Variants in ATM observed in about 807,000 individuals in gnomAD.
The protein encoded by ATM is serine-protein kinase ATM.
In ATM, 308 loss-of-function variants were observed where a neutral mutation model predicts 387.0. The ratio of observed to expected loss-of-function variants is 0.80; its 90% confidence interval spans 0.73 to 0.87. The LOEUF is 0.87. ATM is among the 40% of genes least tolerant of loss of function. The pLI is 0.00. For missense variants in ATM, 3,312 were observed against 3,560.9 expected (o/e 0.93, Z 1.78); for synonymous variants, 1,156 against 1,187.3 (o/e 0.97, Z 0.54).
At chr11:108,271,554 C>A in intron 20 of ATM, 148 bp downstream of exon 20, 1 of 1,063,756 alleles carries the variant, frequency 9.4e-7, no homozygotes, top group Non-Finnish European at 1.4e-6. Flanking sequence ...TTGTGTTTCC[C>A]TCAGTCGCTT....
In ATM at chr11:108,354,866, A is replaced by G. The variant is rs1333760745; in HGVS notation, c.8842A>G (p.Ile2948Val). ...MRNSQETLLT[I>V]VEVLLYDPLF... ...AAACTCTCAGGAAACTCTGTTAACCATTGTAGAGGTAAAGTATTTTATAAG... is the reference window on the plus strand; with the variant it reads ...AAACTCTCAGGAAACTCTGTTAACCGTTGTAGAGGTAAAGTATTTTATAAG... Residue 2948 changes from isoleucine to valine, a missense_variant, in exon 61 of 63, where the codon ATT becomes GTT. Around this residue, in one of 4 missense-constraint regions of ATM, gnomAD observed 21 missense variants for 51.6 expected, o/e 0.41. Coordinates refer to ENST00000675843, the MANE Select transcript of ATM (RefSeq NM_000051.4). 6.2e-7 allele frequency: 1 copy of G among 1,612,552 alleles called. No homozygotes were observed. Among genetic ancestry groups the G allele is most frequent in the East Asian group, 2.2e-5 (1 of 44,858 alleles).
chr11:108,365,417 G>T lies in ATM; in HGVS notation c.9080G>T (p.Ser3027Ile), dbSNP rs1565609342. The change falls in exon 63 of 63, where the codon AGT becomes ATT. Residue 3027 changes from serine (S) to isoleucine (I), a missense_variant. Physicochemically the swap from Ser to Ile is moderately radical, Grantham distance 142 (BLOSUM62 -2). Around this residue, in one of 4 missense-constraint regions of ATM, gnomAD observed 95 missense variants for 100.3 expected, o/e 0.95. Coordinates refer to ENST00000675843, the MANE Select transcript of ATM (RefSeq NM_000051.4). ...GGAGTGGAAGAAGGCACTGTGCTCA[G>T]TGTTGGTGGACAAGTGAATTTGCTC... Reference protein sequence around the residue: ...LKGVEEGTVLSVGGQVNLLIQ... With the variant: ...LKGVEEGTVLIVGGQVNLLIQ... 1 of 1,614,214 alleles carries T rather than the reference G, an allele frequency of 6.2e-7. No homozygotes were observed. Among genetic ancestry groups the T allele is most frequent in the Non-Finnish European group, 8.5e-7 (1 of 1,180,032 alleles).
chr11:108,348,438 A>G (rs2088756011), intron 59 of ATM, among the ~76,000 whole-genome samples: 1 of 151,134 alleles, frequency 6.6e-6, no homozygotes, highest in East Asian at 2.0e-4. Context: ...TATAAGAAAG[A>G]AAGAATATAT....
rs760942541 is a variant in ATM, at chr11:108,304,695, G to T, written c.5517G>T (p.Gln1839His). 1 of 1,613,912 alleles carries T rather than the reference G, an allele frequency of 6.2e-7. No homozygotes were observed. The highest frequency in any genetic ancestry group is 1.1e-5 in the South Asian group (1 of 91,062). The change falls in exon 37 of 63, where the codon CAG becomes CAT. Residue 1839 changes from glutamine to histidine, a missense_variant. By Grantham distance (24) the Gln-to-His change is conservative. Coordinates refer to ENST00000675843, the MANE Select transcript of ATM (RefSeq NM_000051.4). ...TCTAGGTGAAAACTGACTTTTGTCA[G>T]ACTGTACTTCCATACTTGATTCATG... ...PMCEVKTDFC[Q>H]TVLPYLIHDI...
intron 16 of ATM, among the ~76,000 whole-genome samples, chr11:108,265,983 A>T (rs1398876419): frequency 6.6e-6 from 1 of 151,574 alleles, no homozygotes; most frequent in Non-Finnish European, 1.5e-5. Flanking sequence ...GTCAGGAAAC[A>T]ACAGGTGCTG....
At chr11:108,350,142 T>G (rs983307849) in intron 59 of ATM, among the ~76,000 whole-genome samples, 2 of 152,004 alleles carry the variant, frequency 1.3e-5, no homozygotes, top group Non-Finnish European at 2.9e-5. Context: ...TGCCAAGCAG[T>G]TTAAGGGGCA....
At chr11:108,347,386 ATC>A (rs757454625) in intron 59 of ATM, 21 bp downstream of exon 59, 1 of 1,528,364 alleles carries the variant, frequency 6.5e-7, no homozygotes, top group South Asian at 1.1e-5. Context: ...AAATCTATGT[ATC>A]TATTCTTTTT....
intron 1 of ATM, 171 bp downstream of exon 1, chr11:108,223,357 C>G (rs960294819): frequency 6.5e-6 from 1 of 152,780 alleles, no homozygotes; most frequent in African/African-American, 2.4e-5. Context: ...GCTTAGCGGA[C>G]TTGGCCAATA....
intron 43 of ATM, 50 bp from the exon 44 acceptor site, chr11:108,319,904 T>C (rs1329940541): frequency 7.6e-7 from 1 of 1,322,430 alleles, no homozygotes; most frequent in African/African-American, 1.4e-5. Flanking sequence ...TACATGTATA[T>C]CTTAGGGTTC....
At chr11:108,288,403 C>T (rs910025931) in intron 27 of ATM, among the ~76,000 whole-genome samples, 49 of 151,772 alleles carry the variant, frequency 3.2e-4, no homozygotes, top group African/African-American at 1.2e-3. Context: ...GCGTTATTAT[C>T]TGTACAATTT....
chr11:108,311,703 CAA>C, intron 39 of ATM, among the ~76,000 whole-genome samples: 1 of 114,312 alleles, frequency 8.7e-6, no homozygotes, highest in African/African-American at 3.2e-5. Flanking sequence ...ATCTCATAAA[CAA>C]AAAAAAAAAA....
chr11:108,271,431 C>G (rs773984258), intron 20 of ATM, 25 bp downstream of exon 20: 1 of 1,613,658 alleles, frequency 6.2e-7, no homozygotes. Flanking sequence ...TTTTGTGGTC[C>G]TATTTTTCTT....
chr11:108,236,883 G>C (rs1046708022), intron 5 of ATM, among the ~76,000 whole-genome samples: 1 of 152,126 alleles, frequency 6.6e-6, no homozygotes, highest in East Asian at 1.9e-4. Flanking sequence ...TTCTGGGTTT[G>C]AGAATAAGTG....
intron 26 of ATM, among the ~76,000 whole-genome samples, chr11:108,286,312 CAAAAAAAAAAAAAA>C (rs34917552): frequency 4.7e-4 from 22 of 47,176 alleles, no homozygotes; most frequent in East Asian, 1.8e-3. Flanking sequence ...GATTTCGTCT[CAAAAAAAAAAAAAA>C]AAAAAAAAAA....
chr11:108,326,888 C>T (rs764963622), intron 47 of ATM, among the ~76,000 whole-genome samples: 10 of 152,114 alleles, frequency 6.6e-5, no homozygotes, highest in Non-Finnish European at 1.3e-4. Flanking sequence ...TGCAGTGGTA[C>T]GACATCGGCT....
At chr11:108,334,903 T>C (rs2136646676) in intron 54 of ATM, 66 bp from the exon 55 acceptor site, 3 of 1,525,312 alleles carry the variant, frequency 2.0e-6, no homozygotes, top group Non-Finnish European at 2.7e-6. Flanking sequence ...CCATTTATAA[T>C]GTATTTTTCT....
At position 108,272,702 on chromosome 11, in the gene ATM, C is replaced by T. The variant is rs1057522141; in HGVS notation, c.3154-20C>T. ...TAATTTTTCTCTATTTCATATTTAA[C>T]CACAGTTCTTTTCCCGTAGGCTGAT... On this transcript the variant is annotated intron_variant, in intron 21 of 62. Coordinates refer to ENST00000675843, the MANE Select transcript of ATM (RefSeq NM_000051.4). 6.2e-7 allele frequency: 1 copy of T among 1,613,722 alleles called. No individual in the cohort carries two copies.
chr11:108,231,326 G>A (rs573198362), intron 4 of ATM, among the ~76,000 whole-genome samples: 30 of 152,284 alleles, frequency 2.0e-4, no homozygotes, highest in Non-Finnish European at 3.7e-4. Flanking sequence ...AAAAGCTAGA[G>A]GCAGAAGTGT....
intron 57 of ATM, 98 bp downstream of exon 57, chr11:108,343,469 T>C: frequency 7.1e-7 from 1 of 1,414,014 alleles, no homozygotes; most frequent in Non-Finnish European, 9.8e-7. Context: ...AAAACTTTAA[T>C]TTCATCAGGT....
Sources: gnomAD v4.1 joint callset for allele counts (sites outside exome capture counted in the v4.1 genomes callset) on GRCh38, gnomAD v4.1.1 for gene constraint, gnomAD v4.1.1 regional missense constraint, MANE v1.5 for transcripts, NCBI Gene and HGNC (gene_info 2026-07-23, HGNC 2026-07-21) for gene names.